The following TSC2 variants were observed in gnomAD, a reference collection of about 807,000 sequenced individuals.
TSC2 encodes the protein tuberin.
Under a neutral mutation model 202.2 loss-of-function variants are expected in TSC2, and 29 were observed. That is an observed-to-expected ratio of 0.14 (90% CI 0.11 to 0.20). The LOEUF (loss-of-function observed/expected upper bound fraction) is 0.20, where lower values mean the gene tolerates loss of function less well. Ranked by LOEUF, TSC2 falls within the 10% of genes least tolerant of loss-of-function variation. TSC2 has a pLI of 1.00. For missense variants in TSC2, 2,429 were observed against 2,420.0 expected, an observed-to-expected ratio of 1.00 and a Z score of -0.08; for synonymous variants, 1,349 against 1,044.0, an observed-to-expected ratio of 1.29 and a Z score of -5.63.
chr16:2,063,363 C>T, intron 14 of TSC2: 1 of 529,724 alleles, frequency 1.9e-6, no homozygotes, highest in Non-Finnish European at 3.4e-6. Flanking sequence ...TCGTTTCAGC[C>T]AGTCTTGCAT....
rs137854000 is a variant in TSC2 at position 2,084,524 on chromosome 16, C to T, written c.4302C>T (p.Gly1434=). The change falls in exon 34 of 42, where the codon GGC becomes GGT. Residue 1434 remains glycine (G), a synonymous_variant. Transcript: ENST00000219476. ...AAAGTGCTGCCTGGTCGGCCTCGGG[C>T]GAAGACAGTCGGGGCCAGCCCGAGG... The part of the protein sequence containing the change: ...DGESAAWSAS[G]EDSRGQPEGP... 1.8e-4 allele frequency: 284 copies of T among 1,609,256 alleles called. 3 individuals are homozygous for T. In the South Asian group the frequency reaches 2.3e-3, roughly 13 times the overall value.
In TSC2 at chr16:2,088,556, G is replaced by C. The variant is rs762032752; in HGVS notation, c.5370G>C (p.Val1790=). The stretch of plus-strand genomic sequence containing the variant: ...CCGAGCCCACACCTGGCTATGAGGT[G>C]GGCCAGCGGAAGCGCCTCATCTCCT... ...TPAEPTPGYE[V]GQRKRLISSV... is the part of the protein sequence containing the mutation. Residue 1790 remains valine, a synonymous_variant, in exon 42 of 42, where the codon GTG becomes GTC. Coordinates refer to ENST00000219476, the MANE Select transcript of TSC2 (RefSeq NM_000548.5). The C allele has an allele frequency of 3.2e-5, 52 of 1,611,314 alleles. No homozygotes were observed. Among genetic ancestry groups the C allele is most frequent in the Non-Finnish European group, 4.1e-5 (48 of 1,179,936 alleles).
chr16:2,083,310 ACG>A (rs1319938717), intron 32 of TSC2: 2 of 459,892 alleles, frequency 4.3e-6, no homozygotes, highest in African/African-American at 2.0e-5. Context: ...CCCCCACGTC[ACG>A]GAGTCTCCGC....
Position 2,057,188 on chromosome 16 carries a change from G to A in TSC2, c.848+10G>A, listed in dbSNP as rs1405925936. The A allele has an allele frequency of 3.9e-6, 6 of 1,551,548 alleles. No individual in the cohort carries two copies. The South Asian group carries it at 5.9e-5, about 15-fold the overall frequency. ...ACCTCATGGAGGACAGGTGAGTGTG[G>A]TGGGTGGGGCGCAGGGCAGTGGAGG... is the stretch of plus-strand genomic sequence containing the variant. On this transcript the variant is annotated intron_variant, in intron 9 of 41. Transcript: ENST00000219476.
intron 30 of TSC2, chr16:2,080,684 C>T (rs932598606): frequency 2.7e-5 from 10 of 376,226 alleles, no homozygotes; most frequent in Non-Finnish European, 5.1e-5. Flanking sequence ...TGGGGTTTCA[C>T]TGTGTTAGCC....
chr16:2,079,799 C>G lies in TSC2; in HGVS notation c.3397+130C>G, dbSNP rs1035510228. The stretch of plus-strand genomic sequence containing the variant: ...GCTTCAGGCCCGGCCCACGTCCTGA[C>G]TCTGGGGTGAGCCTTCCACAGCTCA... On this transcript the variant is annotated intron_variant, in intron 29 of 41. Coordinates refer to ENST00000219476, the MANE Select transcript of TSC2 (RefSeq NM_000548.5). The surrounding 1 kb of genome is among the most constrained non-coding windows in gnomAD (Gnocchi z 4.6). 1.1e-6 allele frequency: 1 copy of G among 905,794 alleles called. No homozygotes were observed. The highest frequency in any genetic ancestry group is 1.6e-6 in the Non-Finnish European group (1 of 611,294). 56.1% of individuals were successfully genotyped at this position (905,794 alleles called of 1,614,324 possible). A position where few individuals can be genotyped will look rare whatever the true frequency, so the allele number is the denominator to read the frequency against.
chr16:2,087,795 G>C (rs937524135), intron 38 of TSC2, 68 bp from the exon 39 acceptor site: 2 of 1,572,476 alleles, frequency 1.3e-6, no homozygotes, highest in Non-Finnish European at 1.7e-6. Context: ...AGTGCAACCA[G>C]GCAGTAGCCG....
intron 1 of TSC2, chr16:2,048,275 T>A: frequency 8.3e-7 from 1 of 1,203,046 alleles, no homozygotes; most frequent in Non-Finnish European, 1.2e-6. Flanking sequence ...TTCACATGGG[T>A]AGAGGAGAGA....
At position 2,080,277 on chromosome 16, in the gene TSC2, A is replaced by T; in HGVS notation, c.3510A>T (p.Ser1170=). The T allele has an allele frequency of 6.2e-7, 1 of 1,612,996 alleles. No homozygotes were observed. The highest frequency in any genetic ancestry group is 8.5e-7 in the Non-Finnish European group (1 of 1,180,030). ...CAGCCGCGAAACCTGAGAAGGCCTC[A>T]GCTGGCACCCGGGTTCCTGTGCAGG... ...TAPAAKPEKA[S]AGTRVPVQEK... The change falls in exon 30 of 42, where the codon TCA becomes TCT. Residue 1170 remains serine, a synonymous_variant. Coordinates refer to ENST00000219476, the MANE Select transcript of TSC2 (RefSeq NM_000548.5).
chr16:2,058,470 C>T (rs2086182917), intron 9 of TSC2, among the ~76,000 whole-genome samples: 2 of 152,332 alleles, frequency 1.3e-5, no homozygotes, highest in South Asian at 2.1e-4. Flanking sequence ...CCCCAGACTG[C>T]GAGGCTGTGG....
chr16:2,049,472 C>T (rs2084816483), intron 2 of TSC2, among the ~76,000 whole-genome samples: 1 of 152,138 alleles, frequency 6.6e-6, no homozygotes, highest in African/African-American at 2.4e-5. Context: ...TGAATTTTTG[C>T]ACTTGTAAAG....
At chr16:2,081,987 G>A (rs1010590777) in intron 31 of TSC2, 189 bp downstream of exon 31, 2 of 832,392 alleles carry the variant, frequency 2.4e-6, no homozygotes, top group Non-Finnish European at 3.8e-6. Flanking sequence ...CCCTGCTCAG[G>A]AAGCTGGGGC....
At chr16:2,075,731 G>T in intron 22 of TSC2, 68 bp from the exon 23 acceptor site, 1 of 1,537,258 alleles carries the variant, frequency 6.5e-7, no homozygotes, top group Non-Finnish European at 8.9e-7. Flanking sequence ...GGGCAGAGCA[G>T]CCGTGTTGGC....
intron 16 of TSC2, among the ~76,000 whole-genome samples, chr16:2,069,853 TCCACCCACTTCAG>T (rs2087989023): frequency 2.0e-5 from 3 of 152,264 alleles, no homozygotes; most frequent in South Asian, 4.2e-4. Context: ...AACTTCGTGA[TCCACCCACTTCAG>T]CCTCCCAAAG....
At position 2,085,343 on chromosome 16, in the gene TSC2, T is replaced by C. The variant is rs1325943938; in HGVS notation, c.4662+21T>C. On this transcript the variant is annotated intron_variant, in intron 36 of 41. Coordinates refer to ENST00000219476, the MANE Select transcript of TSC2 (RefSeq NM_000548.5). ...GCCAGGTGAGGCTGCGGGGCCGGCC[T>C]AGGTGCCTGGACAGGGCCAGCTGGG... 7 of 1,611,854 alleles carry C rather than the reference T, an allele frequency of 4.3e-6. No homozygotes were observed. In the African/African-American group the frequency reaches 6.7e-5, roughly 15 times the overall value.
At chr16:2,053,673 A>G (rs1185863988) in intron 4 of TSC2, 2 of 671,760 alleles carry the variant, frequency 3.0e-6, no homozygotes, top group South Asian at 1.5e-5. Flanking sequence ...TGGTCACTGC[A>G]CCTTCCTCTT....
Position 2,076,156 on chromosome 16 carries a change from C to T in TSC2, c.2728C>T (p.Pro910Ser), listed in dbSNP as rs1319146226. 1 of 1,613,582 alleles carries T rather than the reference C, an allele frequency of 6.2e-7. No homozygotes were observed. Among genetic ancestry groups the T allele is most frequent in the Non-Finnish European group, 8.5e-7 (1 of 1,180,018 alleles). The stretch of plus-strand genomic sequence containing the variant: ...CCTGCCCTTCCGGAAGGATTTTGTC[C>T]CTTTCATCACTAAGGTGGGCTCAGG... ...CRLPFRKDFV[P>S]FITKGLRSNV... Residue 910 changes from proline (P) to serine (S), a missense_variant, in exon 24 of 42, where the codon CCT becomes TCT. Physicochemically the swap from Pro to Ser is moderately conservative, Grantham distance 74 (BLOSUM62 -1). Transcript: ENST00000219476.
chr16:2,083,666 AT>A (rs1208035063), intron 32 of TSC2, 28 bp from the exon 33 acceptor site: 1 of 1,563,652 alleles, frequency 6.4e-7, no homozygotes, highest in African/African-American at 1.4e-5. Context: ...CCAGCCCCAC[AT>A]CCAGCAGCCC....
chr16:2,082,058 G>T (rs2090209365), intron 31 of TSC2: 1 of 610,750 alleles, frequency 1.6e-6, no homozygotes. Context: ...TCCGTGGGGA[G>T]TCCAGCACTG....
Sources: allele counts gnomAD v4.1 joint callset (sites outside exome capture counted in the v4.1 genomes callset), GRCh38; gene constraint gnomAD v4.1.1; non-coding constraint Gnocchi (gnomAD v3.1); transcripts MANE v1.5; gene names NCBI Gene and HGNC (gene_info 2026-07-23, HGNC 2026-07-21).